The following NCKAP5 variants were observed in gnomAD, a reference collection of about 807,000 sequenced individuals.
NCKAP5 encodes the protein NCK associated protein 5.
NCKAP5 carries 92 observed loss-of-function variants against 167.0 expected under a neutral mutation model. That is an observed-to-expected ratio of 0.55 (90% CI 0.47 to 0.66). The LOEUF (loss-of-function observed/expected upper bound fraction) is 0.66. NCKAP5 is among the 30% of genes least tolerant of loss of function. The probability of loss-of-function intolerance (pLI) is 0.00; values close to 1 mark genes in which losing one functional copy is unlikely to be tolerated. For synonymous variants in NCKAP5, 891 were observed against 877.4 expected (o/e 1.02, Z -0.27); for missense variants, 2,378 against 2,315.0 (o/e 1.03, Z -0.56).
At chr2:133,654,283 C>G in the NCKAP5 span, among the ~76,000 whole-genome samples, 1 of 152,112 alleles carries the variant, frequency 6.6e-6, no homozygotes, top group African/African-American at 2.4e-5. Flanking sequence ...GAGGCTGAGG[C>G]AGGAGAATCA....
At chr2:133,493,467 A>C (rs912833460) in intron 3 of NCKAP5, among the ~76,000 whole-genome samples, 1 of 152,210 alleles carries the variant, frequency 6.6e-6, no homozygotes, top group East Asian at 1.9e-4. Context: ...GTCCTACTAA[A>C]ATATTCTGTA....
chr2:133,298,119 G>A (rs1680096258), intron 4 of NCKAP5, among the ~76,000 whole-genome samples: 2 of 152,188 alleles, frequency 1.3e-5, no homozygotes, highest in Admixed American at 1.3e-4. Flanking sequence ...TACAGTTGTT[G>A]TTATGAAATT....
At chr2:132,898,961 C>T (rs937879942) in intron 8 of NCKAP5, among the ~76,000 whole-genome samples, 2 of 152,192 alleles carry the variant, frequency 1.3e-5, no homozygotes, top group Non-Finnish European at 2.9e-5. Flanking sequence ...TAGTGCCTAA[C>T]AAGAGAGTCA....
intron 5 of NCKAP5, among the ~76,000 whole-genome samples, chr2:133,143,426 G>C (rs2083073493): frequency 6.6e-6 from 1 of 152,126 alleles, no homozygotes; most frequent in African/African-American, 2.4e-5. Context: ...GACAGGTATT[G>C]AATAAATAAA....
At chr2:132,736,640 A>G (rs1007796830) in intron 16 of NCKAP5, among the ~76,000 whole-genome samples, 1 of 150,402 alleles carries the variant, frequency 6.6e-6, no homozygotes, top group Non-Finnish European at 1.5e-5. Flanking sequence ...AAAAAAAATC[A>G]GTTGGGCATG....
chr2:132,893,315 G>C (rs990400889), intron 8 of NCKAP5, among the ~76,000 whole-genome samples: 1 of 152,200 alleles, frequency 6.6e-6, no homozygotes, highest in Non-Finnish European at 1.5e-5. Context: ...TATAACCCCT[G>C]TAGGTACCCG....
intron 5 of NCKAP5, among the ~76,000 whole-genome samples, chr2:133,159,445 T>C (rs1013724703): frequency 7.3e-6 from 1 of 137,342 alleles, no homozygotes; most frequent in Non-Finnish European, 1.6e-5. Context: ...ACCTACAGAA[T>C]GGTGAGATGC....
intron 8 of NCKAP5, among the ~76,000 whole-genome samples, chr2:132,903,964 ATAGAG>A (rs1179001423): frequency 6.6e-6 from 1 of 152,106 alleles, no homozygotes; most frequent in East Asian, 1.9e-4. Context: ...TTCTTGTGAC[ATAGAG>A]TAAATATTTC....
chr2:133,227,191 T>G (rs1257315391), intron 4 of NCKAP5, among the ~76,000 whole-genome samples: 2 of 152,212 alleles, frequency 1.3e-5, no homozygotes, highest in African/African-American at 2.4e-5. Flanking sequence ...CTAAGGAACT[T>G]CTTCAACATG....
At chr2:132,698,229 G>A (rs1479326103) in intron 19 of NCKAP5, among the ~76,000 whole-genome samples, 3 of 152,122 alleles carry the variant, frequency 2.0e-5, no homozygotes, top group African/African-American at 7.2e-5. Flanking sequence ...ATCATGCACA[G>A]ACACCTGCTC....
chr2:133,395,950 C>T (rs941890704), intron 3 of NCKAP5, among the ~76,000 whole-genome samples: 3 of 152,080 alleles, frequency 2.0e-5, no homozygotes, highest in African/African-American at 7.2e-5. Context: ...CAGGCCTATT[C>T]CTCTACTCAA....
At chr2:132,805,019 G>A (rs747374420) in intron 11 of NCKAP5, among the ~76,000 whole-genome samples, 2 of 152,082 alleles carry the variant, frequency 1.3e-5, no homozygotes, top group Non-Finnish European at 1.5e-5. Flanking sequence ...CCCACAATTT[G>A]AGCAGCTCCC....
intron 4 of NCKAP5, among the ~76,000 whole-genome samples, chr2:133,278,423 A>T (rs2089815682): frequency 6.6e-6 from 1 of 151,960 alleles, no homozygotes; most frequent in Non-Finnish European, 1.5e-5. Flanking sequence ...CAGGAACTTT[A>T]TGTCTCTTAC....
chr2:132,687,471 G>T (rs1419037962), intron 19 of NCKAP5, among the ~76,000 whole-genome samples: 1 of 152,128 alleles, frequency 6.6e-6, no homozygotes, highest in Non-Finnish European at 1.5e-5. Context: ...CTCTTTGCTA[G>T]ATTTAGTGTG....
At chr2:132,707,162 A>G (rs1221224328) in intron 19 of NCKAP5, among the ~76,000 whole-genome samples, 24 of 152,202 alleles carry the variant, frequency 1.6e-4, no homozygotes, top group Admixed American at 1.6e-3. Context: ...ACTCCTCCCC[A>G]TCCCCTGGCA....
At chr2:133,507,545 G>A (rs1246765147) in intron 3 of NCKAP5, among the ~76,000 whole-genome samples, 1 of 152,216 alleles carries the variant, frequency 6.6e-6, no homozygotes, top group East Asian at 1.9e-4. Flanking sequence ...GGAACTGCCT[G>A]GCATGTAAAG....
At chr2:133,018,684 T>C (rs34772234) in intron 6 of NCKAP5, among the ~76,000 whole-genome samples, 84,160 of 151,992 alleles carry the variant, frequency 0.55, 24,397 homozygotes, top group African/African-American at 0.66. Flanking sequence ...ATCATTTGTT[T>C]GGGGATCCAC....
chr2:133,178,683 G>GGT (rs1553563993), intron 5 of NCKAP5, among the ~76,000 whole-genome samples: 1 of 151,330 alleles, frequency 6.6e-6, no homozygotes, highest in Non-Finnish European at 1.5e-5. Context: ...AAATTAGCCA[G>GGT]GCGCGGTGGC....
At position 133,173,768 on chromosome 2, in the gene NCKAP5, T is replaced by C. The variant is rs2084342750; in HGVS notation, c.207+39948A>G. 5.9e-5 allele frequency among the ~76,000 whole-genome samples: 9 copies of C among 152,220 alleles called. No homozygotes were observed. The South Asian group carries it at 1.9e-3, about 32-fold the overall frequency. ...TCTAGCTCTGGCTTTTCTTTGACAA[T>C]ATCCACATATGACAGATTTACCAAA... On this transcript the variant is annotated intron_variant, in intron 5 of 19. Transcript: ENST00000409261.
Sources: gnomAD v4.1 joint callset for allele counts (sites outside exome capture counted in the v4.1 genomes callset) on GRCh38, gnomAD v4.1.1 for gene constraint, MANE v1.5 for transcripts, NCBI Gene and HGNC (gene_info 2026-07-23, HGNC 2026-07-21) for gene names.